DOCK10: variants seen among roughly 807,000 people sequenced by gnomAD.
DOCK10 encodes the protein dedicator of cytokinesis protein 10.
A neutral mutation model predicts 280.1 loss-of-function variants in DOCK10; 145 were observed. That is an observed-to-expected ratio of 0.52 (90% CI 0.45 to 0.59). DOCK10 has a LOEUF of 0.59. DOCK10 is among the 20% of genes least tolerant of loss of function. DOCK10 has a pLI of 0.00. For synonymous variants in DOCK10, 915 were observed against 942.2 expected (o/e 0.97, Z 0.53); for missense variants, 2,368 against 2,651.7 (o/e 0.89, Z 2.35).
chr2:224,958,384 T>G (rs1002453096), intron 1 of DOCK10, among the ~76,000 whole-genome samples: 1 of 152,050 alleles, frequency 6.6e-6, no homozygotes, highest in African/African-American at 2.4e-5. Context: ...AAAGTGGCAG[T>G]GAAAGGAATA....
chr2:225,011,603 A>C (rs1007066553), intron 1 of DOCK10, among the ~76,000 whole-genome samples: 2 of 152,206 alleles, frequency 1.3e-5, no homozygotes, highest in African/African-American at 4.8e-5. Flanking sequence ...AAATGCATCT[A>C]TTTAATCCTG....
At chr2:225,005,326 A>G (rs1279356707) in intron 1 of DOCK10, among the ~76,000 whole-genome samples, 1 of 152,242 alleles carries the variant, frequency 6.6e-6, no homozygotes, top group African/African-American at 2.4e-5. Context: ...ATGTAAGGAC[A>G]TGATTTCAAT....
intron 39 of DOCK10, 54 bp downstream of exon 39, chr2:224,804,058 G>GAC (rs1440726604): frequency 4.3e-5 from 43 of 992,084 alleles, no homozygotes; most frequent in Non-Finnish European, 5.5e-5. Context: ...TGCATATACA[G>GAC]ACACACACAC....
chr2:225,031,150 T>G (rs369589211), intron 1 of DOCK10, among the ~76,000 whole-genome samples: 1 of 152,140 alleles, frequency 6.6e-6, no homozygotes, highest in East Asian at 1.9e-4. Flanking sequence ...CTCTTCCTCC[T>G]CCTCCAGGAC....
chr2:224,864,519 A>T (rs762186406), intron 13 of DOCK10, 34 bp downstream of exon 13: 5 of 1,497,646 alleles, frequency 3.3e-6, no homozygotes, highest in Non-Finnish European at 4.5e-6. Flanking sequence ...AAAAAAAAAA[A>T]GGAAGTGAAG....
intron 3 of DOCK10, among the ~76,000 whole-genome samples, chr2:224,906,237 TAGCCACAC>T (rs1322021104): frequency 6.6e-6 from 1 of 152,156 alleles, no homozygotes; most frequent in Non-Finnish European, 1.5e-5. Flanking sequence ...CACAATCGCA[TAGCCACAC>T]AGCTCTTTGT....
At chr2:224,940,184 C>T (rs1424664129) in intron 1 of DOCK10, among the ~76,000 whole-genome samples, 2 of 152,178 alleles carry the variant, frequency 1.3e-5, no homozygotes, top group East Asian at 3.9e-4. Flanking sequence ...TGGGGCTACA[C>T]TCCCACAAGA....
At chr2:224,852,816 C>T (rs142573035) in intron 17 of DOCK10, 119 bp downstream of exon 17, 66 of 853,876 alleles carry the variant, frequency 7.7e-5, no homozygotes, top group Non-Finnish European at 8.7e-5. Context: ...CTTCTCCAAA[C>T]GGTTTTCTAT....
At chr2:224,855,413 T>C (rs1697057114) in intron 15 of DOCK10, among the ~76,000 whole-genome samples, 2 of 152,176 alleles carry the variant, frequency 1.3e-5, no homozygotes, top group South Asian at 4.1e-4. Flanking sequence ...AGTAACACAC[T>C]CTCATAATGA....
intron 1 of DOCK10, among the ~76,000 whole-genome samples, chr2:224,989,918 C>T (rs1417999888): frequency 6.6e-6 from 1 of 152,118 alleles, no homozygotes; most frequent in Admixed American, 6.6e-5. Context: ...CCTTTTCCTT[C>T]GGTTTCTCTG....
intron 31 of DOCK10, among the ~76,000 whole-genome samples, chr2:224,811,642 C>T (rs1261728431): frequency 6.6e-6 from 1 of 152,142 alleles, no homozygotes; most frequent in Non-Finnish European, 1.5e-5. Flanking sequence ...GTCTTTAATC[C>T]ATCTTGAATT....
intron 1 of DOCK10, among the ~76,000 whole-genome samples, chr2:224,933,873 T>C (rs1702537869): frequency 6.6e-6 from 1 of 152,186 alleles, no homozygotes; most frequent in South Asian, 2.1e-4. Context: ...CACTATCTTT[T>C]AAATTTTATC....
At chr2:224,920,569 G>A (rs951440757) in intron 2 of DOCK10, among the ~76,000 whole-genome samples, 1 of 141,914 alleles carries the variant, frequency 7.0e-6, no homozygotes, top group African/African-American at 2.6e-5. Flanking sequence ...TTTCCTATTC[G>A]GATGGATAAT....
intron 1 of DOCK10, among the ~76,000 whole-genome samples, chr2:225,012,957 C>T (rs537566763): frequency 3.3e-4 from 51 of 152,270 alleles, no homozygotes; most frequent in African/African-American, 6.5e-4. Context: ...ATTACCACTT[C>T]GCTATGATGG....
At chr2:224,815,546 C>G (rs1328933144) in intron 30 of DOCK10, among the ~76,000 whole-genome samples, 1 of 151,514 alleles carries the variant, frequency 6.6e-6, no homozygotes, top group Non-Finnish European at 1.5e-5. Context: ...ACCCTATTTT[C>G]TATGAAATAT....
rs188195444 is a variant in DOCK10 at position 224,848,983 on chromosome 2, T to C, written c.2235+524A>G. ...TTTTTTTAAATTTAAATTTTAATTTTTTTAGTTGAGATGGAGTCTTGCTCT... is the reference window on the plus strand; with the variant it reads ...TTTTTTTAAATTTAAATTTTAATTTCTTTAGTTGAGATGGAGTCTTGCTCT... On this transcript the variant is annotated intron_variant, in intron 19 of 55. Transcript: ENST00000258390. Among the ~76,000 whole-genome samples, 7 of 152,298 alleles carry C rather than the reference T, an allele frequency of 4.6e-5. No individual in the cohort carries two copies. In the East Asian group the frequency reaches 1.4e-3, roughly 29 times the overall value.
At chr2:224,778,974 G>T (rs1433557511) in intron 50 of DOCK10, among the ~76,000 whole-genome samples, 1 of 152,060 alleles carries the variant, frequency 6.6e-6, no homozygotes, top group East Asian at 1.9e-4. Flanking sequence ...GACATTATAG[G>T]ATTAAAAATA....
intron 44 of DOCK10, among the ~76,000 whole-genome samples, chr2:224,795,730 C>G (rs962153756): frequency 6.6e-6 from 1 of 152,174 alleles, no homozygotes; most frequent in Admixed American, 6.5e-5. Context: ...TTATTTTAAT[C>G]CCTGGGTCCA....
chr2:224,964,281 T>C (rs1352309632), intron 1 of DOCK10, among the ~76,000 whole-genome samples: 1 of 152,210 alleles, frequency 6.6e-6, no homozygotes, highest in East Asian at 1.9e-4. Context: ...TTTAATGTGT[T>C]GTTCATTTTC....
Sources: allele counts gnomAD v4.1 joint callset (sites outside exome capture counted in the v4.1 genomes callset), GRCh38; gene constraint gnomAD v4.1.1; transcripts MANE v1.5; gene names NCBI Gene and HGNC (gene_info 2026-07-23, HGNC 2026-07-21).